PCDH15: variants seen among roughly 807,000 people sequenced by gnomAD.
PCDH15 encodes protocadherin related 15, also known as protocadherin-15.
PCDH15 carries 129 observed loss-of-function variants against 178.5 expected under a neutral mutation model. That is an observed-to-expected ratio of 0.72 (90% CI 0.63 to 0.84). The LOEUF (loss-of-function observed/expected upper bound fraction) is 0.84. Ranked by LOEUF, PCDH15 falls within the 40% of genes least tolerant of loss-of-function variation. PCDH15 has a pLI of 0.00. For synonymous variants in PCDH15, 800 were observed against 732.0 expected (o/e 1.09, Z -1.50); for missense variants, 2,230 against 2,099.9 (o/e 1.06, Z -1.21).
At chr10:54,953,655 T>C (rs1392226744) in intron 2 of PCDH15, among the ~76,000 whole-genome samples, 1 of 151,344 alleles carries the variant, frequency 6.6e-6, no homozygotes, top group East Asian at 1.9e-4. Flanking sequence ...ATTATTCTAA[T>C]AGCACTTGTA....
intron 1 of PCDH15, among the ~76,000 whole-genome samples, chr10:55,267,245 T>C (rs939877227): frequency 1.3e-5 from 2 of 152,212 alleles, no homozygotes; most frequent in Non-Finnish European, 1.5e-5. Context: ...TCTACTTTTC[T>C]CTGTTTATCT....
intron 1 of PCDH15, among the ~76,000 whole-genome samples, chr10:54,779,488 G>GTATATATATACACACATATGTGTGTA (rs1950117845): frequency 3.8e-5 from 2 of 53,320 alleles, no homozygotes; most frequent in Non-Finnish European, 6.4e-5. Flanking sequence ...ACATATATAT[G>GTATATATATACACACATATGTGTGTA]TATATATATA....
At chr10:54,645,759 A>G (rs1486184553) in intron 2 of PCDH15, among the ~76,000 whole-genome samples, 3 of 152,214 alleles carry the variant, frequency 2.0e-5, no homozygotes, top group Non-Finnish European at 4.4e-5. Context: ...AATATTGATT[A>G]ATGATGAAGA....
intron 3 of PCDH15, among the ~76,000 whole-genome samples, chr10:54,820,011 CT>C (rs1953010963): frequency 2.5e-4 from 1 of 4,036 alleles, no homozygotes; most frequent in African/African-American, 3.7e-4. Context: ...AAATAAGTTT[CT>C]GGAAAAAAAA....
intron 8 of PCDH15, among the ~76,000 whole-genome samples, chr10:54,251,270 G>T (rs904643684): frequency 2.0e-5 from 3 of 152,118 alleles, no homozygotes; most frequent in African/African-American, 7.2e-5. Context: ...GATTTTCCAA[G>T]TATTTGTCTG....
intron 1 of PCDH15, among the ~76,000 whole-genome samples, chr10:54,771,054 C>T (rs778484922): frequency 1.3e-5 from 2 of 152,050 alleles, no homozygotes; most frequent in Non-Finnish European, 2.9e-5. Flanking sequence ...CCACGCTTAC[C>T]CCTTTCTTAT....
chr10:55,527,745 T>C (rs1841333991), intron 2 of PCDH15, among the ~76,000 whole-genome samples: 1 of 152,050 alleles, frequency 6.6e-6, no homozygotes, highest in African/African-American at 2.4e-5. Flanking sequence ...TTAAATTTAA[T>C]GCTTTGGCAC....
rs1240065183 is a variant in PCDH15, at chr10:54,385,976, G to T, written c.158-7034C>A. ...TCCTTTGTGTTTTATTCTTTTTGAT[G>T]CTATTGTAAACTGAACTATTCTCTT... is the stretch of plus-strand genomic sequence containing the variant. On this transcript the variant is annotated intron_variant, in intron 3 of 37. Transcript: ENST00000644397. Among the ~76,000 whole-genome samples, 4 of 152,116 alleles carry T rather than the reference G, an allele frequency of 2.6e-5. No individual in the cohort carries two copies. In the East Asian group the frequency reaches 7.7e-4, roughly 29 times the overall value.
At chr10:55,252,429 T>A (rs971794071) in intron 1 of PCDH15, among the ~76,000 whole-genome samples, 1 of 152,098 alleles carries the variant, frequency 6.6e-6, no homozygotes, top group African/African-American at 2.4e-5. Flanking sequence ...TCTTCCTTTT[T>A]AAAAAATATT....
intron 8 of PCDH15, among the ~76,000 whole-genome samples, chr10:54,311,067 G>A (rs1021695014): frequency 6.6e-6 from 1 of 152,084 alleles, no homozygotes; most frequent in Non-Finnish European, 1.5e-5. Context: ...AACCAGAGAA[G>A]CTGTTTTTGA....
Position 54,475,018 on chromosome 10 carries a change from A to G in PCDH15, c.157+52794T>C, listed in dbSNP as rs117817434. Among the ~76,000 whole-genome samples the G allele has an allele frequency of 3.8e-3, 577 of 152,114 alleles. 4 individuals are homozygous for G. Among genetic ancestry groups the G allele is most frequent in the Non-Finnish European group, 6.1e-3 (414 of 67,888 alleles). On this transcript the variant is annotated intron_variant, in intron 3 of 37. Coordinates refer to ENST00000644397, the MANE Select transcript of PCDH15 (RefSeq NM_001384140.1). The stretch of plus-strand genomic sequence containing the variant: ...TTCTGATATGTTTTCACAATTTTAT[A>G]TAATCTACAACTTATTCTCCTAAAC...
intron 2 of PCDH15, among the ~76,000 whole-genome samples, chr10:54,928,755 A>C (rs1169139416): frequency 6.6e-6 from 1 of 152,098 alleles, no homozygotes; most frequent in African/African-American, 2.4e-5. Flanking sequence ...AAATTCTTGT[A>C]GTGTGTTTTT....
chr10:53,817,487 T>C (rs770093793), intron 34 of PCDH15, among the ~76,000 whole-genome samples: 1 of 151,438 alleles, frequency 6.6e-6, no homozygotes, highest in Non-Finnish European at 1.5e-5. Flanking sequence ...TAGTCCTATA[T>C]ATATATTCTT....
chr10:54,188,985 C>A (rs1554830775), intron 11 of PCDH15, among the ~76,000 whole-genome samples: 1 of 151,776 alleles, frequency 6.6e-6, no homozygotes, highest in Non-Finnish European at 1.5e-5. Flanking sequence ...GTATTTAGTT[C>A]AAAAAAATTC....
chr10:54,474,885 C>T (rs540828533), intron 3 of PCDH15, among the ~76,000 whole-genome samples: 1 of 151,956 alleles, frequency 6.6e-6, no homozygotes, highest in South Asian at 2.1e-4. Context: ...TATATCAATA[C>T]AAATGTTACA....
intron 9 of PCDH15, among the ~76,000 whole-genome samples, chr10:54,223,323 A>AAAG (rs1554845568): frequency 4.1e-4 from 51 of 123,782 alleles, no homozygotes; most frequent in Non-Finnish European, 6.3e-4. Context: ...AAAAAAAAAA[A>AAAG]AGAGAAATTG....
intron 1 of PCDH15, among the ~76,000 whole-genome samples, chr10:55,263,718 TTTTAA>T (rs140400274): frequency 0.059 from 9,025 of 152,122 alleles, 322 homozygotes; most frequent in Middle Eastern, 0.17. Flanking sequence ...AAACTGTATT[TTTTAA>T]TTTATTTTAT....
intron 2 of PCDH15, among the ~76,000 whole-genome samples, chr10:55,006,602 T>A (rs1591831748): frequency 6.6e-6 from 1 of 151,576 alleles, no homozygotes; most frequent in Non-Finnish European, 1.5e-5. Flanking sequence ...TTTCAAGAGG[T>A]CTGGTCATTT....
At chr10:54,847,912 C>T (rs1953542457) in intron 3 of PCDH15, among the ~76,000 whole-genome samples, 1 of 152,162 alleles carries the variant, frequency 6.6e-6, no homozygotes, top group South Asian at 2.1e-4. Flanking sequence ...ATACTGCAGT[C>T]TGATGGCCAA....
Sources: allele counts gnomAD v4.1 joint callset (sites outside exome capture counted in the v4.1 genomes callset), GRCh38; gene constraint gnomAD v4.1.1; transcripts MANE v1.5; gene names NCBI Gene and HGNC (gene_info 2026-07-23, HGNC 2026-07-21).